Variants in ZFHX3 observed in about 807,000 individuals in gnomAD.
ZFHX3 encodes zinc finger homeobox protein 3.
ZFHX3 carries 42 observed loss-of-function variants against 279.1 expected under a neutral mutation model. That is an observed-to-expected ratio of 0.15 (90% CI 0.12 to 0.19). The LOEUF (loss-of-function observed/expected upper bound fraction) is 0.19. Among genes scored for constraint, ZFHX3 ranks in the 10% least tolerant of loss-of-function variants. The pLI is 1.00. For synonymous variants in ZFHX3, 2,293 were observed against 1,957.8 expected (o/e 1.17, Z -4.52); for missense variants, 4,981 against 4,754.0 (o/e 1.05, Z -1.40).
intron 6 of ZFHX3, among the ~76,000 whole-genome samples, chr16:73,135,861 CT>C (rs71391493): frequency 1.6e-3 from 224 of 143,550 alleles, no homozygotes; most frequent in Middle Eastern, 3.7e-3. Flanking sequence ...TATTTATATT[CT>C]TTTTTTTTTT....
intron 1 of ZFHX3, among the ~76,000 whole-genome samples, chr16:73,805,546 T>G (rs930491372): frequency 3.3e-5 from 5 of 152,224 alleles, no homozygotes; most frequent in African/African-American, 1.2e-4. Flanking sequence ...GAAGTTTTCA[T>G]CTTTGCACAT....
At chr16:72,853,908 A>ATAGC (rs1384414844) in intron 4 of ZFHX3, among the ~76,000 whole-genome samples, 1 of 152,096 alleles carries the variant, frequency 6.6e-6, no homozygotes, top group Non-Finnish European at 1.5e-5. Context: ...GGTGGCTGGA[A>ATAGC]TAGCTCTTTA....
chr16:72,875,098 G>A (rs571245766), intron 4 of ZFHX3, among the ~76,000 whole-genome samples: 13 of 152,316 alleles, frequency 8.5e-5, no homozygotes, highest in Non-Finnish European at 1.6e-4. Flanking sequence ...TGTTTGTTCC[G>A]TTTTAGTGCT....
At chr16:73,626,464 T>C (rs2052417834) in intron 2 of ZFHX3, among the ~76,000 whole-genome samples, 1 of 152,204 alleles carries the variant, frequency 6.6e-6, no homozygotes, top group Non-Finnish European at 1.5e-5. Flanking sequence ...ATATTTTGAT[T>C]TGCAAATCTA....
chr16:73,616,022 G>A (rs1445818431), intron 2 of ZFHX3, among the ~76,000 whole-genome samples: 5 of 152,048 alleles, frequency 3.3e-5, no homozygotes, highest in South Asian at 4.2e-4. Flanking sequence ...AATTTTAAAT[G>A]CAATTATTTT....
At position 73,179,442 on chromosome 16, in the gene ZFHX3, G is replaced by C. The variant is rs1337601244; in HGVS notation, c.-1103-35611C>G. ...AGCTCATGAACAGTTTTGGTCAAAG[G>C]TTATATTGAAATCAAGATGCTGAGT... On this transcript the variant is annotated intron_variant, in intron 5 of 17. Transcript: ENST00000641206. Among the ~76,000 whole-genome samples, 3 of 152,088 alleles carry C rather than the reference G, an allele frequency of 2.0e-5. No individual in the cohort carries two copies. In the East Asian group the frequency reaches 5.8e-4, roughly 29 times the overall value.
intron 3 of ZFHX3, among the ~76,000 whole-genome samples, chr16:73,410,156 C>T (rs944644456): frequency 2.0e-5 from 3 of 152,150 alleles, no homozygotes; most frequent in African/African-American, 7.2e-5. Flanking sequence ...TGGCTCACAC[C>T]TGTAATCCCA....
intron 5 of ZFHX3, among the ~76,000 whole-genome samples, chr16:73,161,396 C>G (rs1967231929): frequency 1.3e-5 from 2 of 152,176 alleles, no homozygotes; most frequent in Non-Finnish European, 2.9e-5. Context: ...CTCAGTCGCT[C>G]AACGGTTATT....
At chr16:73,572,677 C>G (rs988452467) in intron 2 of ZFHX3, among the ~76,000 whole-genome samples, 17 of 152,168 alleles carry the variant, frequency 1.1e-4, no homozygotes, top group African/African-American at 4.1e-4. Flanking sequence ...CAGAAGCTCG[C>G]ACCACGGGAT....
intron 1 of ZFHX3, among the ~76,000 whole-genome samples, chr16:73,766,371 G>C (rs888373820): frequency 6.6e-6 from 1 of 152,128 alleles, no homozygotes; most frequent in Non-Finnish European, 1.5e-5. Context: ...CAGGGTGACT[G>C]CCTATACATC....
At chr16:73,778,018 A>G (rs1959317365) in intron 1 of ZFHX3, among the ~76,000 whole-genome samples, 1 of 152,166 alleles carries the variant, frequency 6.6e-6, no homozygotes, top group Admixed American at 6.5e-5. Context: ...TGACAGAGTG[A>G]GACCCTGTCT....
chr16:73,808,381 T>A (rs1348779564), intron 1 of ZFHX3: 1 of 152,242 alleles, frequency 6.6e-6, no homozygotes, highest in East Asian at 1.9e-4. Context: ...TTGAATAGTT[T>A]CAAATATCAG....
chr16:73,528,808 G>A lies in ZFHX3; in HGVS notation c.-1546-72550C>T, dbSNP rs1478106858. ...TATGGTCTGTAGCCAGAGAACCAAG[G>A]TAACTGGCACCATGGGAATCACACA... On this transcript the variant is annotated intron_variant, in intron 2 of 17. Coordinates refer to the ZFHX3 transcript ENST00000641206. Among the ~76,000 whole-genome samples, 7 of 152,280 alleles carry A rather than the reference G, an allele frequency of 4.6e-5. No individual in the cohort carries two copies. In the East Asian group the frequency reaches 1.4e-3, roughly 29 times the overall value.
intron 5 of ZFHX3, among the ~76,000 whole-genome samples, chr16:72,817,162 T>C (rs1342268282): frequency 6.6e-6 from 1 of 152,240 alleles, no homozygotes; most frequent in Non-Finnish European, 1.5e-5. Flanking sequence ...ACAAAGATGG[T>C]AGAAGCACAG....
chr16:72,834,518 C>T (rs1281031350), intron 4 of ZFHX3, among the ~76,000 whole-genome samples: 2 of 152,156 alleles, frequency 1.3e-5, no homozygotes, highest in Non-Finnish European at 2.9e-5. Flanking sequence ...ACCACAAATG[C>T]AAATTGATCT....
intron 1 of ZFHX3, among the ~76,000 whole-genome samples, chr16:73,000,476 C>T (rs1963451671): frequency 6.6e-6 from 1 of 152,160 alleles, no homozygotes; most frequent in African/African-American, 2.4e-5. Flanking sequence ...CTCGGCTCAA[C>T]CCAATAGAGT....
At chr16:72,910,323 C>T (rs1452511184) in intron 3 of ZFHX3, among the ~76,000 whole-genome samples, 1 of 152,170 alleles carries the variant, frequency 6.6e-6, no homozygotes, top group African/African-American at 2.4e-5. Flanking sequence ...GGTGAAAAAT[C>T]AGGTCATTAT....
intron 1 of ZFHX3, among the ~76,000 whole-genome samples, chr16:73,712,559 G>C (rs559462863): frequency 6.6e-6 from 1 of 152,302 alleles, no homozygotes; most frequent in East Asian, 1.9e-4. Context: ...GAGCCTCTCA[G>C]TGCCCATTTG....
intron 1 of ZFHX3, among the ~76,000 whole-genome samples, chr16:73,690,655 C>A (rs569878021): frequency 1.3e-5 from 2 of 152,278 alleles, no homozygotes; most frequent in South Asian, 2.1e-4. Context: ...CTTTAGCAAA[C>A]GTGATGCAAT....
Sources: gnomAD v4.1 joint callset for allele counts (sites outside exome capture counted in the v4.1 genomes callset) on GRCh38, gnomAD v4.1.1 for gene constraint, MANE v1.5 for transcripts, NCBI Gene and HGNC (gene_info 2026-07-23, HGNC 2026-07-21) for gene names.